The following PCDHGA3 variants were observed in gnomAD, a reference collection of about 807,000 sequenced individuals.
PCDHGA3 encodes protocadherin gamma subfamily A, 3, also known as protocadherin gamma-A3.
In PCDHGA3, 40 loss-of-function variants were observed where a neutral mutation model predicts 58.5. The ratio of observed to expected loss-of-function variants is 0.68; its 90% CI spans 0.53 to 0.89. The LOEUF (loss-of-function observed/expected upper bound fraction) is 0.89. Among genes scored for constraint, PCDHGA3 ranks in the 40% least tolerant of loss-of-function variants. PCDHGA3 has a pLI of 0.00. For synonymous variants in PCDHGA3, 530 were observed against 525.7 expected (o/e 1.01, Z -0.11); for missense variants, 1,223 against 1,195.9 (o/e 1.02, Z -0.33).
intron 1 of PCDHGA3, chr5:141,389,112 C>A (rs376966829): frequency 1.5e-5 from 25 of 1,613,966 alleles, no homozygotes; most frequent in Non-Finnish European, 2.0e-5. Context: ...TGTTCTAGAC[C>A]GCGAGCAGAA....
At chr5:141,430,996 G>A (rs1256552269) in intron 1 of PCDHGA3, 6 of 1,614,024 alleles carry the variant, frequency 3.7e-6, no homozygotes, top group Non-Finnish European at 5.1e-6. Context: ...CCCTGAATCC[G>A]CGCAGCGGCA....
chr5:141,414,986 A>G, intron 1 of PCDHGA3: 4 of 1,613,824 alleles, frequency 2.5e-6, no homozygotes, highest in Non-Finnish European at 3.4e-6. Context: ...GACTCCGGCC[A>G]GAACGCCTGG....
chr5:141,387,829 G>T, intron 1 of PCDHGA3: 2 of 1,591,770 alleles, frequency 1.3e-6, no homozygotes, highest in South Asian at 2.3e-5. Flanking sequence ...CAATACAGAG[G>T]TTATTTGTAA....
At chr5:141,434,080 A>G (rs775751994) in intron 1 of PCDHGA3, among the ~76,000 whole-genome samples, 2 of 152,042 alleles carry the variant, frequency 1.3e-5, no homozygotes, top group Non-Finnish European at 2.9e-5. Flanking sequence ...TCAATTATTT[A>G]TTTTGATGCT....
rs917165100 is a variant in PCDHGA3, at chr5:141,442,878, C to T, written c.2425-51929C>T. Among the ~76,000 whole-genome samples, 6 of 152,178 alleles carry T rather than the reference C, an allele frequency of 3.9e-5. No homozygotes were observed. In the South Asian group the frequency reaches 8.3e-4, roughly 21 times the overall value. The stretch of plus-strand genomic sequence containing the variant: ...GTATGAGAGATGTAAATTTACAACT[C>T]AGAATCCCTGCTTATCACTTCTCCT... On this transcript the variant is annotated intron_variant, in intron 1 of 3. Coordinates refer to ENST00000253812, the MANE Select transcript of PCDHGA3 (RefSeq NM_018916.4).
chr5:141,438,627 T>TAC (rs2098030812), intron 1 of PCDHGA3, among the ~76,000 whole-genome samples: 3 of 48,012 alleles, frequency 6.2e-5, no homozygotes, highest in Non-Finnish European at 1.0e-4. Flanking sequence ...TATATATATA[T>TAC]ATATATATAC....
intron 1 of PCDHGA3, among the ~76,000 whole-genome samples, chr5:141,484,419 A>G (rs978469951): frequency 1.3e-5 from 2 of 152,206 alleles, no homozygotes; most frequent in Non-Finnish European, 2.9e-5. Flanking sequence ...TCCTGTTACA[A>G]TGAGAACATG....
At chr5:141,402,753 A>G (rs914241458) in intron 1 of PCDHGA3, among the ~76,000 whole-genome samples, 8 of 152,326 alleles carry the variant, frequency 5.3e-5, no homozygotes, top group Admixed American at 5.2e-4. Context: ...CTCTAAGCGA[A>G]AATCAGGACT....
chr5:141,415,078 G>C, intron 1 of PCDHGA3: 1 of 1,613,494 alleles, frequency 6.2e-7, no homozygotes, highest in Non-Finnish European at 8.5e-7. Context: ...CACGGCGCGA[G>C]CCCTGCTGGA....
chr5:141,364,548 A>T (rs1763399502), intron 1 of PCDHGA3: 2 of 1,613,988 alleles, frequency 1.2e-6, no homozygotes. Flanking sequence ...GGTAGGACGC[A>T]GCTTTTTGCC....
chr5:141,362,639 G>T, intron 1 of PCDHGA3: 3 of 1,469,872 alleles, frequency 2.0e-6, no homozygotes, highest in Non-Finnish European at 2.7e-6. Flanking sequence ...GTATTTCTTT[G>T]TCTGTGAGTT....
chr5:141,349,985 G>A, intron 1 of PCDHGA3: 1 of 308,912 alleles, frequency 3.2e-6, no homozygotes, highest in Non-Finnish European at 5.9e-6. Flanking sequence ...AAGAGGTTGC[G>A]CTTTGAGGAT....
chr5:141,478,514 G>A, intron 1 of PCDHGA3: 2 of 1,611,534 alleles, frequency 1.2e-6, no homozygotes, highest in Non-Finnish European at 1.7e-6. Context: ...CTATAGGCAG[G>A]TGTTGGGTGC....
intron 1 of PCDHGA3, chr5:141,388,093 C>T: frequency 7.3e-7 from 1 of 1,371,560 alleles, no homozygotes; most frequent in South Asian, 1.3e-5. Context: ...CGCGTCAGTT[C>T]GGAGAAGCCT....
At chr5:141,466,754 C>T (rs1045917268) in intron 1 of PCDHGA3, among the ~76,000 whole-genome samples, 1 of 152,138 alleles carries the variant, frequency 6.6e-6, no homozygotes, top group African/African-American at 2.4e-5. Context: ...GATAGGGGCT[C>T]TTTTCAAACT....
At chr5:141,364,462 C>T (rs897608860) in intron 1 of PCDHGA3, 23 of 1,613,902 alleles carry the variant, frequency 1.4e-5, no homozygotes, top group Non-Finnish European at 1.8e-5. Flanking sequence ...AAGGCTCCTT[C>T]GTCGGCAACA....
chr5:141,393,861 A>G (rs1324870023), intron 1 of PCDHGA3: 11 of 1,613,904 alleles, frequency 6.8e-6, no homozygotes, highest in Non-Finnish European at 9.3e-6. Context: ...AGTGATCATT[A>G]CGTCTTTGTT....
In PCDHGA3 at chr5:141,477,857, C is replaced by A. The variant is rs548674958; in HGVS notation, c.2425-16950C>A. On this transcript the variant is annotated intron_variant, in intron 1 of 3. Transcript: ENST00000253812. The surrounding 1 kb of genome is among the most constrained non-coding windows in gnomAD (Gnocchi z 4.9). ...AGGTGGGAGCTCGGTGGAGATGCTG[C>A]CTCGAGGTACCTCAGCTGGCCACCT... 2.9e-5 allele frequency: 47 copies of A among 1,613,454 alleles called. No individual in the cohort carries two copies. In the South Asian group the frequency reaches 4.9e-4, roughly 17 times the overall value.
intron 1 of PCDHGA3, chr5:141,398,884 G>C: frequency 6.2e-7 from 1 of 1,613,952 alleles, no homozygotes; most frequent in Non-Finnish European, 8.5e-7. Flanking sequence ...CAGCCTTCGG[G>C]AAAACGTGCC....
Sources: gnomAD v4.1 joint callset for allele counts (sites outside exome capture counted in the v4.1 genomes callset) on GRCh38, gnomAD v4.1.1 for gene constraint, Gnocchi (gnomAD v3.1) non-coding constraint, MANE v1.5 for transcripts, NCBI Gene and HGNC (gene_info 2026-07-23, HGNC 2026-07-21) for gene names.